GABBR2: variants seen among roughly 807,000 people sequenced by gnomAD.
The protein encoded by GABBR2 is gamma-aminobutyric acid type B receptor subunit 2, also known as G-protein coupled receptor 51.
Under a neutral mutation model 105.6 loss-of-function variants are expected in GABBR2, and 23 were observed. The observed-to-expected ratio is 0.22, with a 90% CI of 0.16 to 0.31. The LOEUF (loss-of-function observed/expected upper bound fraction) is 0.31, where lower values mean the gene tolerates loss of function less well. Ranked by LOEUF, GABBR2 falls within the 10% of genes least tolerant of loss-of-function variation. The pLI is 1.00. For synonymous variants in GABBR2, 478 were observed against 499.7 expected (o/e 0.96, Z 0.58); for missense variants, 734 against 1,245.5 (o/e 0.59, Z 6.18).
chr9:98,596,872 T>A (rs1401696379), intron 1 of GABBR2, among the ~76,000 whole-genome samples: 1 of 152,080 alleles, frequency 6.6e-6, no homozygotes, highest in East Asian at 1.9e-4. Flanking sequence ...CCAGCATCCC[T>A]ACTCCCAATA....
chr9:98,688,330 AATTTG>A (rs2131876329), intron 1 of GABBR2, among the ~76,000 whole-genome samples: 2 of 151,690 alleles, frequency 1.3e-5, no homozygotes, highest in East Asian at 3.9e-4. Context: ...TCATCAGCAA[AATTTG>A]ATCAGTATGA....
At chr9:98,504,618 T>A (rs1827468825) in intron 3 of GABBR2, among the ~76,000 whole-genome samples, 1 of 152,264 alleles carries the variant, frequency 6.6e-6, no homozygotes, top group Admixed American at 6.5e-5. Flanking sequence ...GTCATTCAAA[T>A]GCACTTGCTA....
At chr9:98,586,596 G>A (rs899643934) in intron 1 of GABBR2, among the ~76,000 whole-genome samples, 4 of 152,204 alleles carry the variant, frequency 2.6e-5, no homozygotes, top group African/African-American at 7.2e-5. Flanking sequence ...CACCGTGCCA[G>A]CCCCTTCTTT....
In GABBR2 at chr9:98,542,164, A is replaced by G. The variant is rs903801751; in HGVS notation, c.460-121T>C. The G allele has an allele frequency of 6.6e-6, 5 of 759,048 alleles. No homozygotes were observed. In the South Asian group the frequency reaches 1.1e-4, roughly 16 times the overall value. The allele number at this position is 759,048 out of a possible 1,614,324, so 47.0% of individuals were successfully genotyped here. A position where few individuals can be genotyped will look rare whatever the true frequency, so the allele number is the denominator to read the frequency against. ...TTAGAGCATAAACACACAGGGACAG[A>G]TATTTTTAAAACTTTTTTATTGTAA... On this transcript the variant is annotated intron_variant, in intron 2 of 18. Coordinates refer to ENST00000259455, the MANE Select transcript of GABBR2 (RefSeq NM_005458.8).
chr9:98,400,184 CT>C lies in GABBR2; in HGVS notation c.1297+5896del, dbSNP rs552889618. On this transcript the variant is annotated intron_variant, in intron 8 of 18. Coordinates refer to ENST00000259455, the MANE Select transcript of GABBR2 (RefSeq NM_005458.8). ...CCCAGGCAACAGAGGGAGACCCTGC[CT>C]TTTTTTTTTTTAAAAAAAAAAGAAA... Among the ~76,000 whole-genome samples the C allele has an allele frequency of 2.6e-3, 353 of 136,212 alleles. 5 individuals are homozygous for C. The highest frequency in any genetic ancestry group is 0.02 in the South Asian group (87 of 4,296). 89.4% of individuals were successfully genotyped at this position (136,212 alleles called of 152,430 possible). A position where few individuals can be genotyped will look rare whatever the true frequency, so the allele number is the denominator to read the frequency against.
intron 9 of GABBR2, among the ~76,000 whole-genome samples, chr9:98,393,792 G>A (rs1455693627): frequency 6.6e-6 from 1 of 152,240 alleles, no homozygotes; most frequent in African/African-American, 2.4e-5. Context: ...CTGAAGAGGA[G>A]TTCTCTAGCA....
At chr9:98,496,372 G>T in intron 4 of GABBR2, 41 bp downstream of exon 4, 1 of 1,258,516 alleles carries the variant, frequency 7.9e-7, no homozygotes, top group Non-Finnish European at 1.2e-6. Flanking sequence ...CCAGGGCATT[G>T]AGATCAGTCT....
intron 2 of GABBR2, among the ~76,000 whole-genome samples, chr9:98,560,465 GCACACACACACACATATACA>G (rs536306410): frequency 1.4e-5 from 2 of 141,910 alleles, no homozygotes; most frequent in South Asian, 4.6e-4. Context: ...ATATATACAT[GCACACACACACACATATACA>G]CACACACACA....
chr9:98,404,330 A>G (rs527471676), intron 8 of GABBR2, among the ~76,000 whole-genome samples: 4 of 152,328 alleles, frequency 2.6e-5, no homozygotes, highest in African/African-American at 9.6e-5. Flanking sequence ...CAGAGAGCTG[A>G]CACGCGTTTC....
chr9:98,510,352 A>G (rs1486692145), intron 3 of GABBR2, among the ~76,000 whole-genome samples: 1 of 152,236 alleles, frequency 6.6e-6, no homozygotes, highest in African/African-American at 2.4e-5. Context: ...CTAGGAAGAA[A>G]CTGCATCAAC....
chr9:98,598,687 A>G (rs1321078226), intron 1 of GABBR2, among the ~76,000 whole-genome samples: 2 of 152,140 alleles, frequency 1.3e-5, no homozygotes, highest in Non-Finnish European at 2.9e-5. Flanking sequence ...GCAGCACCCA[A>G]CCAGGGGTGC....
intron 1 of GABBR2, among the ~76,000 whole-genome samples, chr9:98,622,207 C>G (rs1229355769): frequency 6.6e-6 from 1 of 152,088 alleles, no homozygotes; most frequent in East Asian, 1.9e-4. Context: ...CTCTGTCACC[C>G]AGGATGGAGT....
intron 13 of GABBR2, among the ~76,000 whole-genome samples, chr9:98,317,027 G>T (rs1464487749): frequency 6.6e-6 from 1 of 152,194 alleles, no homozygotes; most frequent in Non-Finnish European, 1.5e-5. Flanking sequence ...GGTGTAACCG[G>T]CTCTATAAAC....
intron 3 of GABBR2, among the ~76,000 whole-genome samples, chr9:98,510,397 G>C (rs10986486): frequency 0.96 from 146,571 of 152,312 alleles, 70,579 homozygotes; most frequent in African/African-American, 0.99. Flanking sequence ...ATCATAATGA[G>C]AGGATCAAAT....
At chr9:98,425,146 C>A (rs1010544888) in intron 7 of GABBR2, among the ~76,000 whole-genome samples, 1 of 151,896 alleles carries the variant, frequency 6.6e-6, no homozygotes, top group Admixed American at 6.6e-5. Context: ...TTTTGCAAAA[C>A]CATATACCAA....
chr9:98,629,251 G>A (rs913745743), intron 1 of GABBR2, among the ~76,000 whole-genome samples: 24 of 152,094 alleles, frequency 1.6e-4, no homozygotes, highest in African/African-American at 5.8e-4. Context: ...GGGAAAAATA[G>A]AGATTATCCA....
chr9:98,625,278 G>A (rs10987128), intron 1 of GABBR2, among the ~76,000 whole-genome samples: 104,222 of 152,168 alleles, frequency 0.68, 36,508 homozygotes, highest in Middle Eastern at 0.81. Context: ...CACTTGCCCA[G>A]GGAAGGAAGC....
chr9:98,649,454 T>G (rs1397784868), intron 1 of GABBR2, among the ~76,000 whole-genome samples: 2 of 152,170 alleles, frequency 1.3e-5, no homozygotes, highest in Non-Finnish European at 2.9e-5. Flanking sequence ...CCACACCCAC[T>G]GCCTCCAGCT....
intron 1 of GABBR2, among the ~76,000 whole-genome samples, chr9:98,647,472 A>T (rs1830040197): frequency 6.6e-6 from 1 of 152,170 alleles, no homozygotes; most frequent in Non-Finnish European, 1.5e-5. Context: ...TCTCAGCTCT[A>T]CCTCACACTA....
Sources: gnomAD v4.1 joint callset for allele counts (sites outside exome capture counted in the v4.1 genomes callset) on GRCh38, gnomAD v4.1.1 for gene constraint, MANE v1.5 for transcripts, NCBI Gene and HGNC (gene_info 2026-07-23, HGNC 2026-07-21) for gene names.